POLA1: variants seen among roughly 807,000 people sequenced by gnomAD.
The protein encoded by POLA1 is DNA polymerase alpha 1, catalytic subunit, also known as DNA polymerase alpha catalytic subunit.
In POLA1, 15 loss-of-function variants were observed where a neutral mutation model predicts 124.0. That is an observed-to-expected ratio of 0.12 (90% CI 0.08 to 0.19). The LOEUF (loss-of-function observed/expected upper bound fraction) is 0.19. Ranked by LOEUF, POLA1 falls within the 10% of genes least tolerant of loss-of-function variation. POLA1 has a pLI of 1.00. For synonymous variants in POLA1, 408 were observed against 389.4 expected (o/e 1.05, Z -0.56); for missense variants, 886 against 1,103.4 (o/e 0.80, Z 2.79).
Position 24,863,805 on chromosome X carries a change from T to G in POLA1, c.4047+20128T>G, listed in dbSNP as rs772982088. Among the ~76,000 whole-genome samples the G allele has an allele frequency of 8.4e-4, 93 of 111,115 alleles. 1 individual carries two copies. The highest frequency in any genetic ancestry group is 2.9e-3 in the African/African-American group (90 of 30,632). On this transcript the variant is annotated intron_variant, in intron 34 of 36. Coordinates refer to ENST00000379068, the MANE Select transcript of POLA1 (RefSeq NM_001330360.2). ...ATATTGAGAAGTTTTTCCTCATAGT[T>G]AATCTAAACATTCTTCTCTCTGTTC...
At chrX:24,813,728 C>T (rs1291338732) in intron 29 of POLA1, among the ~76,000 whole-genome samples, 2 of 107,174 alleles carry the variant, frequency 1.9e-5, no homozygotes, top group African/African-American at 3.4e-5. Flanking sequence ...GCAGGAGAAT[C>T]GCTTGAACCT....
In POLA1 at chrX:24,930,468, C is replaced by T. The variant is rs745829986; in HGVS notation, c.4180C>T (p.Leu1394=). The T allele has an allele frequency of 5.9e-6, 7 of 1,182,069 alleles. No individual in the cohort carries two copies. The highest frequency in any genetic ancestry group is 4.6e-6 in the Non-Finnish European group (4 of 869,344). The change falls in exon 36 of 37, where the codon CTG becomes TTG. Residue 1394 remains leucine, a synonymous_variant. Coordinates refer to ENST00000379068, the MANE Select transcript of POLA1 (RefSeq NM_001330360.2). ...TATATTACAGTATTCTGACAAGTCC[C>T]TGTACACCCAGCTGTGCTTTTACCG... ...TLQPEYSDKS[L]YTQLCFYRYI... is the part of the protein sequence containing the mutation.
chrX:24,853,609 C>T (rs1422150623), intron 34 of POLA1, among the ~76,000 whole-genome samples: 1 of 112,080 alleles, frequency 8.9e-6, no homozygotes, highest in African/African-American at 3.2e-5. Context: ...TTGAGCTCAT[C>T]GTGGTGGATA....
At chrX:24,764,332 T>G (rs1425358349) in intron 26 of POLA1, among the ~76,000 whole-genome samples, 1 of 112,184 alleles carries the variant, frequency 8.9e-6, no homozygotes, top group Non-Finnish European at 1.9e-5. Context: ...AAGGCCAGTT[T>G]GTATGCTATT....
chrX:24,861,365 C>T (rs2046713879), intron 34 of POLA1, among the ~76,000 whole-genome samples: 1 of 112,659 alleles, frequency 8.9e-6, no homozygotes, highest in Non-Finnish European at 1.9e-5. Context: ...CTCCTGGGCT[C>T]TAGTGATCTG....
chrX:24,748,535 A>G (rs1932149628), intron 25 of POLA1, 75 bp downstream of exon 25: 1 of 824,095 alleles, frequency 1.2e-6, no homozygotes, highest in Non-Finnish European at 1.7e-6. Context: ...AGTAAACAGG[A>G]TGCTGGGCAA....
intron 14 of POLA1, among the ~76,000 whole-genome samples, chrX:24,727,495 A>G (rs1034219307): frequency 9.0e-6 from 1 of 111,705 alleles, no homozygotes; most frequent in Non-Finnish European, 1.9e-5. Flanking sequence ...TGATTCCTCC[A>G]AGGCAGTGTT....
chrX:24,953,907 A>AT (rs1210425870), intron 36 of POLA1, among the ~76,000 whole-genome samples: 4 of 112,432 alleles, frequency 3.6e-5, no homozygotes, highest in Non-Finnish European at 5.6e-5. Context: ...TCTTATTCCC[A>AT]TATCAGCATG....
chrX:24,890,506 CTTTATTTGACA>C (rs1426914259), intron 35 of POLA1, among the ~76,000 whole-genome samples: 1 of 111,873 alleles, frequency 8.9e-6, no homozygotes, highest in Admixed American at 9.5e-5. Flanking sequence ...ATGATTTTTT[CTTTATTTGACA>C]TTTAGGATAA....
At chrX:24,992,135 A>G (rs2048541595) in intron 36 of POLA1, among the ~76,000 whole-genome samples, 1 of 111,946 alleles carries the variant, frequency 8.9e-6, no homozygotes, top group Non-Finnish European at 1.9e-5. Context: ...GCTCAGTTAT[A>G]TGGATCGATA....
chrX:24,794,252 T>A (rs1359467933), intron 26 of POLA1, among the ~76,000 whole-genome samples: 2 of 112,235 alleles, frequency 1.8e-5, no homozygotes, highest in Admixed American at 1.9e-4. Context: ...GTGCTGGGAT[T>A]ACAGGCGTGA....
At chrX:24,901,082 T>TA (rs2047271488) in intron 35 of POLA1, among the ~76,000 whole-genome samples, 1 of 111,804 alleles carries the variant, frequency 8.9e-6, no homozygotes, top group Non-Finnish European at 1.9e-5. Context: ...AATCTAAAAT[T>TA]AAGTCCCTGT....
At position 24,830,648 on chromosome X, in the gene POLA1, TCTAGA is replaced by T. The variant is rs762012319; in HGVS notation, c.3736+4051_3736+4055del. Reference sequence around the variant, plus strand: ...AACTTGAAACTCTTAGCTTTTGTTCTCTAGACTATAGATTTTTCTCTCTCTCATTC... The same window carrying T: ...AACTTGAAACTCTTAGCTTTTGTTCTCTATAGATTTTTCTCTCTCTCATTC... On this transcript the variant is annotated intron_variant, in intron 32 of 36. Coordinates refer to ENST00000379068, the MANE Select transcript of POLA1 (RefSeq NM_001330360.2). Among the ~76,000 whole-genome samples the T allele has an allele frequency of 1.2e-4, 13 of 111,988 alleles. No individual in the cohort carries two copies. In the East Asian group the frequency reaches 2.2e-3, roughly 19 times the overall value.
intron 36 of POLA1, among the ~76,000 whole-genome samples, chrX:24,979,393 G>C (rs2048398249): frequency 8.9e-6 from 1 of 112,050 alleles, no homozygotes; most frequent in Non-Finnish European, 1.9e-5. Flanking sequence ...TGAGATGGCC[G>C]ACACATCCAT....
At chrX:24,707,672 G>T (rs1602252198) in intron 4 of POLA1, among the ~76,000 whole-genome samples, 1 of 112,334 alleles carries the variant, frequency 8.9e-6, no homozygotes. Flanking sequence ...CTATGGTGTG[G>T]CTCTAATTCC....
intron 26 of POLA1, among the ~76,000 whole-genome samples, chrX:24,786,058 A>G (rs950702461): frequency 8.9e-6 from 1 of 112,375 alleles, no homozygotes; most frequent in African/African-American, 3.2e-5. Flanking sequence ...GCCAAATAAT[A>G]TATTCCATTT....
At chrX:24,894,823 A>C (rs754151570) in intron 35 of POLA1, among the ~76,000 whole-genome samples, 1 of 100,573 alleles carries the variant, frequency 9.9e-6, no homozygotes, top group African/African-American at 3.8e-5. Context: ...GTCTGACTGT[A>C]TCACCTAGTC....
chrX:24,871,864 G>A (rs1174072282), intron 34 of POLA1, among the ~76,000 whole-genome samples: 1 of 112,166 alleles, frequency 8.9e-6, no homozygotes, highest in African/African-American at 3.2e-5. Flanking sequence ...TTAATATTTA[G>A]TCAACCATTC....
chrX:24,849,055 C>G (rs963163524), intron 34 of POLA1, among the ~76,000 whole-genome samples: 2 of 113,128 alleles, frequency 1.8e-5, no homozygotes, highest in Admixed American at 1.9e-4. Flanking sequence ...GCAGTAGAAT[C>G]ACAGGTATAT....
Sources: allele counts gnomAD v4.1 joint callset (sites outside exome capture counted in the v4.1 genomes callset), GRCh38; gene constraint gnomAD v4.1.1; transcripts MANE v1.5; gene names NCBI Gene and HGNC (gene_info 2026-07-23, HGNC 2026-07-21).